Variants in TANC2 observed in about 807,000 individuals in gnomAD.
The protein encoded by TANC2 is protein TANC2.
In TANC2, 26 loss-of-function variants were observed where a neutral mutation model predicts 210.5. The ratio of observed to expected loss-of-function variants is 0.12; its 90% confidence interval spans 0.09 to 0.17. The LOEUF (loss-of-function observed/expected upper bound fraction) is 0.17, where lower values mean the gene tolerates loss of function less well. Ranked by LOEUF, TANC2 falls within the 10% of genes least tolerant of loss-of-function variation. TANC2 has a pLI of 1.00. For missense variants in TANC2, 2,129 were observed against 2,608.9 expected, an observed-to-expected ratio of 0.82 and a Z score of 4.01; for synonymous variants, 931 against 967.1, an observed-to-expected ratio of 0.96 and a Z score of 0.69.
chr17:63,263,742 C>G (rs2043438993), intron 8 of TANC2, among the ~76,000 whole-genome samples: 1 of 152,120 alleles, frequency 6.6e-6, no homozygotes, highest in African/African-American at 2.4e-5. Flanking sequence ...CCCTTGGTCC[C>G]CTTTCAACAA....
At chr17:63,045,056 C>T (rs1247308454) in intron 2 of TANC2, among the ~76,000 whole-genome samples, 8 of 151,728 alleles carry the variant, frequency 5.3e-5, no homozygotes, top group African/African-American at 1.9e-4. Flanking sequence ...CCAATCATTC[C>T]GAAAAAAAAT....
chr17:63,299,534 C>CTTTTTTTTT (rs201041332), intron 9 of TANC2, among the ~76,000 whole-genome samples: 1 of 126,550 alleles, frequency 7.9e-6, no homozygotes, highest in Non-Finnish European at 1.7e-5. Flanking sequence ...TGATGTTAAG[C>CTTTTTTTTT]TTTTTTTTTT....
intron 8 of TANC2, among the ~76,000 whole-genome samples, chr17:63,239,145 C>G (rs1433258382): frequency 6.9e-6 from 1 of 145,976 alleles, no homozygotes; most frequent in Non-Finnish European, 1.5e-5. Context: ...GAGACCTTGT[C>G]TCTAAAAAAA....
intron 7 of TANC2, among the ~76,000 whole-genome samples, chr17:63,202,681 G>A (rs2041574893): frequency 6.6e-6 from 1 of 152,000 alleles, no homozygotes; most frequent in Admixed American, 6.6e-5. Context: ...ATCGCTCTGG[G>A]CCCCAGGTGC....
At chr17:63,236,382 A>C (rs2042620710) in intron 7 of TANC2, among the ~76,000 whole-genome samples, 1 of 152,152 alleles carries the variant, frequency 6.6e-6, no homozygotes, top group South Asian at 2.1e-4. Flanking sequence ...TCATGAAAGA[A>C]GTGAAATGAT....
chr17:63,365,685 C>G (rs1458409628), intron 14 of TANC2, among the ~76,000 whole-genome samples: 1 of 152,126 alleles, frequency 6.6e-6, no homozygotes, highest in Non-Finnish European at 1.5e-5. Flanking sequence ...TTAGAACTTG[C>G]ACTTTCCCAC....
rs1313448190 is a variant in TANC2 at position 63,412,885 on chromosome 17, C to G, written c.3928+176C>G. Among the ~76,000 whole-genome samples the G allele has an allele frequency of 6.6e-6, 1 of 152,074 alleles. No homozygotes were observed. The highest frequency in any genetic ancestry group is 1.5e-5 in the Non-Finnish European group (1 of 68,010). On this transcript the variant is annotated intron_variant, in intron 24 of 27. Coordinates refer to ENST00000689528, the Ensembl canonical transcript of TANC2. This position sits in a 1 kb window ranked among gnomAD's most constrained non-coding sequence, Gnocchi z 4.2. ...AGAGAATAACTTGAACTTTTGATAA[C>G]TAACCTTGAAAAGCATAGTTTGTAA...
intron 25 of TANC2, 58 bp from the exon 26 acceptor site, chr17:63,415,470 A>G (rs796965443): frequency 3.8e-6 from 6 of 1,591,510 alleles, no homozygotes; most frequent in East Asian, 4.5e-5. Context: ...TGGGGACCAC[A>G]CTTCCTCAGC....
chr17:62,979,713 C>G (rs2032204916), intron 1 of TANC2, among the ~76,000 whole-genome samples: 1 of 152,052 alleles, frequency 6.6e-6, no homozygotes, highest in Non-Finnish European at 1.5e-5. Flanking sequence ...GAGTTTGGAC[C>G]AGTCTGGGCA....
intron 1 of TANC2, among the ~76,000 whole-genome samples, chr17:63,000,018 G>A (rs1401775545): frequency 2.0e-5 from 3 of 152,180 alleles, no homozygotes; most frequent in African/African-American, 7.2e-5. Flanking sequence ...TGACAAGTGG[G>A]AGCTAAACAC....
chr17:63,413,760 G>A (rs1194809211), intron 25 of TANC2, 126 bp downstream of exon 25: 1 of 846,470 alleles, frequency 1.2e-6, no homozygotes, highest in Non-Finnish European at 1.8e-6. Flanking sequence ...CTGTTCCTCA[G>A]TGATGGCCTC....
Position 63,332,738 on chromosome 17 carries a change from C to T in TANC2, c.1576-7363C>T, listed in dbSNP as rs150590587. 5.4e-3 allele frequency among the ~76,000 whole-genome samples: 824 copies of T among 152,268 alleles called. 11 individuals are homozygous for T. The highest frequency in any genetic ancestry group is 0.019 in the African/African-American group (792 of 41,546). ...TAGCTAGAGAGAAGTCAATGCCTGC[C>T]TTGAGAGCCTCAAAAGACAGGCTGA... On this transcript the variant is annotated intron_variant, in intron 11 of 27. Transcript: ENST00000689528.
At chr17:62,973,401 A>G (rs2031822561) in intron 1 of TANC2, among the ~76,000 whole-genome samples, 3 of 152,148 alleles carry the variant, frequency 2.0e-5, no homozygotes, top group Admixed American at 2.0e-4. Flanking sequence ...AGGCACTGTG[A>G]CTTTTCATCT....
At chr17:63,213,581 CATAAT>C (rs2041947096) in intron 7 of TANC2, among the ~76,000 whole-genome samples, 1 of 152,106 alleles carries the variant, frequency 6.6e-6, no homozygotes, top group Non-Finnish European at 1.5e-5. Flanking sequence ...AATACAGACA[CATAAT>C]ATAAATATAT....
At chr17:63,387,930 G>A (rs1599004253) in intron 15 of TANC2, 1 of 152,320 alleles carries the variant, frequency 6.6e-6, no homozygotes, top group East Asian at 1.9e-4. Flanking sequence ...AAGAACACTA[G>A]CTGCTATTGA....
At chr17:63,405,059 T>C in intron 19 of TANC2, 63 bp from the exon 20 acceptor site, 1 of 1,455,008 alleles carries the variant, frequency 6.9e-7, no homozygotes, top group Non-Finnish European at 9.2e-7. Flanking sequence ...TATGTCACGT[T>C]TAACATGGAG....
At position 63,421,573 on chromosome 17, in the gene TANC2, A is replaced by C; in HGVS notation, c.5843A>C (p.Gln1948Pro). ...CAGCAGTACCCCCACCTCCACCAGC[A>C]GAATCGGACCTGGGCAGTGTCATCT... The change falls in exon 28 of 28, where the codon CAG becomes CCG. Residue 1948 changes from glutamine to proline, a missense_variant. Physicochemically the swap from Gln to Pro is moderately conservative, Grantham distance 76. Transcript: ENST00000689528. The surrounding 1 kb of genome is among the most constrained non-coding windows in gnomAD (Gnocchi z 6.9). The C allele has an allele frequency of 1.2e-6, 2 of 1,614,032 alleles. No individual in the cohort carries two copies. The highest frequency in any genetic ancestry group is 1.7e-6 in the Non-Finnish European group (2 of 1,179,882).
chr17:62,996,690 C>T (rs1013274524), intron 1 of TANC2, among the ~76,000 whole-genome samples: 1 of 152,100 alleles, frequency 6.6e-6, no homozygotes, highest in Non-Finnish European at 1.5e-5. Flanking sequence ...TGATTAAATA[C>T]ATGCTCTTTT....
chr17:63,402,561 CAT>C (rs1359878489), intron 19 of TANC2, among the ~76,000 whole-genome samples: 2 of 152,196 alleles, frequency 1.3e-5, no homozygotes, highest in Non-Finnish European at 2.9e-5. Flanking sequence ...ATGAAAGAGT[CAT>C]GTGTATCTCT....
Sources: allele counts gnomAD v4.1 joint callset (sites outside exome capture counted in the v4.1 genomes callset), GRCh38; gene constraint gnomAD v4.1.1; non-coding constraint Gnocchi (gnomAD v3.1); transcripts MANE v1.5; gene names NCBI Gene and HGNC (gene_info 2026-07-23, HGNC 2026-07-21).